The following STAG1 variants were observed in gnomAD, a reference collection of about 807,000 sequenced individuals.
STAG1 encodes cohesin subunit SA-1.
Under a neutral mutation model 170.9 loss-of-function variants are expected in STAG1, and 26 were observed. The ratio of observed to expected loss-of-function variants is 0.15; its 90% CI spans 0.11 to 0.21. STAG1 has a LOEUF of 0.21. Among genes scored for constraint, STAG1 ranks in the 10% least tolerant of loss-of-function variants. The probability of loss-of-function intolerance (pLI) is 1.00; values close to 1 mark genes in which losing one functional copy is unlikely to be tolerated. For synonymous variants in STAG1, 514 were observed against 497.7 expected, an observed-to-expected ratio of 1.03 and a Z score of -0.44; for missense variants, 964 against 1,509.5, an observed-to-expected ratio of 0.64 and a Z score of 5.99.
chr3:136,697,952 C>T (rs899347241), intron 1 of STAG1, among the ~76,000 whole-genome samples: 2 of 151,948 alleles, frequency 1.3e-5, no homozygotes, highest in African/African-American at 4.8e-5. Context: ...ATGTCCACAG[C>T]CATATTTTAC....
At chr3:136,520,830 A>G (rs189876226) in intron 7 of STAG1, among the ~76,000 whole-genome samples, 35 of 152,280 alleles carry the variant, frequency 2.3e-4, no homozygotes, top group Admixed American at 6.5e-5. Context: ...CCACTTATCT[A>G]TAATAATAAT....
At chr3:136,704,618 AG>A (rs1943173166) in intron 1 of STAG1, among the ~76,000 whole-genome samples, 2 of 150,958 alleles carry the variant, frequency 1.3e-5, no homozygotes, top group Admixed American at 1.3e-4. Context: ...ACTTGAGCTC[AG>A]GGGTTCCAGA....
intron 1 of STAG1, among the ~76,000 whole-genome samples, chr3:136,632,154 C>T (rs1009448430): frequency 1.3e-5 from 2 of 152,060 alleles, no homozygotes; most frequent in African/African-American, 4.8e-5. Flanking sequence ...AATTACATAC[C>T]AAGTGATAAT....
chr3:136,598,458 G>A (rs1483529214), intron 4 of STAG1, among the ~76,000 whole-genome samples: 4 of 145,682 alleles, frequency 2.7e-5, no homozygotes, highest in South Asian at 2.2e-4. Flanking sequence ...ACGGAGTCTC[G>A]CTCTGTTGCC....
At chr3:136,604,196 G>T in intron 4 of STAG1, 113 bp downstream of exon 4, 1 of 924,286 alleles carries the variant, frequency 1.1e-6, no homozygotes. Flanking sequence ...TAAACTGAAA[G>T]GTTGCTTACA....
Position 136,540,822 on chromosome 3 carries a change from CAAAAAAAAAAAAAAAA to C in STAG1, c.471+1281_471+1296del, listed in dbSNP as rs554338920. 3.6e-3 allele frequency among the ~76,000 whole-genome samples: 165 copies of C among 46,320 alleles called. 2 individuals carry two copies. The highest frequency in any genetic ancestry group is 0.011 in the South Asian group (6 of 562). 30.4% of individuals were successfully genotyped at this position (46,320 alleles called of 152,430 possible). A position where few individuals can be genotyped will look rare whatever the true frequency, so the allele number is the denominator to read the frequency against. On this transcript the variant is annotated intron_variant, in intron 6 of 33. Coordinates refer to ENST00000383202, the MANE Select transcript of STAG1 (RefSeq NM_005862.3). ...GGGCGACAGAGTGAAACTGTGTCTCCAAAAAAAAAAAAAAAAAAAAAAAAAAAAAACCTATATATTT... is the reference window on the plus strand; with the variant it reads ...GGGCGACAGAGTGAAACTGTGTCTCCAAAAAAAAAAAAAACCTATATATTT...
At chr3:136,524,366 G>A (rs1934876026) in intron 6 of STAG1, among the ~76,000 whole-genome samples, 1 of 152,122 alleles carries the variant, frequency 6.6e-6, no homozygotes, top group Non-Finnish European at 1.5e-5. Flanking sequence ...AATTGTGAAT[G>A]GGAGTTCACT....
intron 4 of STAG1, among the ~76,000 whole-genome samples, chr3:136,594,227 A>G (rs1328010240): frequency 6.6e-6 from 1 of 152,206 alleles, no homozygotes; most frequent in Non-Finnish European, 1.5e-5. Context: ...GTCATAGAGT[A>G]AAACTCAAGC....
chr3:136,696,581 C>T (rs1251751405), intron 1 of STAG1, among the ~76,000 whole-genome samples: 1 of 151,724 alleles, frequency 6.6e-6, no homozygotes, highest in Admixed American at 6.6e-5. Flanking sequence ...AACAAATGTA[C>T]CAATCTGCTG....
At chr3:136,495,529 A>G (rs895000683) in intron 9 of STAG1, among the ~76,000 whole-genome samples, 3 of 152,170 alleles carry the variant, frequency 2.0e-5, no homozygotes, top group African/African-American at 7.2e-5. Flanking sequence ...TATATCAAGA[A>G]TATCAGCCAG....
intron 23 of STAG1, among the ~76,000 whole-genome samples, chr3:136,377,371 A>G (rs1209021410): frequency 1.7e-5 from 1 of 57,722 alleles, no homozygotes; most frequent in Non-Finnish European, 3.2e-5. Flanking sequence ...TGGGCGACAG[A>G]GCGAGACTCT....
At chr3:136,355,955 T>A (rs1032414614) in intron 28 of STAG1, among the ~76,000 whole-genome samples, 1 of 152,106 alleles carries the variant, frequency 6.6e-6, no homozygotes, top group South Asian at 2.1e-4. Flanking sequence ...TAGCTGTAAA[T>A]GCCTGTATTG....
chr3:136,549,444 G>C lies in STAG1; in HGVS notation c.395-7249C>G, dbSNP rs148327060. ...TCCTGCCTCAGCCTCCTGAGTAGCT[G>C]GGATTACAGGCACCTGCACCATCCT... On this transcript the variant is annotated intron_variant, in intron 5 of 33. Coordinates refer to ENST00000383202, the MANE Select transcript of STAG1 (RefSeq NM_005862.3). Among the ~76,000 whole-genome samples, 350 of 152,114 alleles carry C rather than the reference G, an allele frequency of 2.3e-3. 3 individuals are homozygous for C. Among genetic ancestry groups the C allele is most frequent in the African/African-American group, 8.1e-3 (335 of 41,484 alleles).
intron 3 of STAG1, among the ~76,000 whole-genome samples, chr3:136,611,996 C>T (rs1285289905): frequency 2.6e-5 from 4 of 152,036 alleles, no homozygotes; most frequent in East Asian, 1.9e-4. Flanking sequence ...TACAGGTGCC[C>T]GCCACCATGC....
intron 16 of STAG1, among the ~76,000 whole-genome samples, chr3:136,427,678 T>C (rs61789647): frequency 7.9e-5 from 12 of 151,614 alleles, no homozygotes; most frequent in Admixed American, 3.3e-4. Context: ...AAAAAAAAAT[T>C]CTTAAAGCCA....
At chr3:136,386,592 TAC>T (rs2086879378) in intron 22 of STAG1, among the ~76,000 whole-genome samples, 1 of 152,134 alleles carries the variant, frequency 6.6e-6, no homozygotes, top group Admixed American at 6.6e-5. Context: ...TTAATACCTA[TAC>T]ACACAAAAAC....
intron 6 of STAG1, among the ~76,000 whole-genome samples, chr3:136,535,932 A>C (rs923704423): frequency 1.3e-5 from 2 of 152,222 alleles, no homozygotes; most frequent in African/African-American, 4.8e-5. Flanking sequence ...AATACATCTT[A>C]ATAATAATTA....
chr3:136,532,113 TA>T (rs1226205110), intron 6 of STAG1, among the ~76,000 whole-genome samples: 1 of 151,984 alleles, frequency 6.6e-6, no homozygotes. Context: ...CTAGCTAGAT[TA>T]ACAAAGACCC....
At chr3:136,446,524 G>A (rs751163042) in intron 14 of STAG1, among the ~76,000 whole-genome samples, 2 of 151,582 alleles carry the variant, frequency 1.3e-5, no homozygotes, top group Non-Finnish European at 2.9e-5. Flanking sequence ...CCAGGTTCAA[G>A]CGATCCTCCT....
Sources: allele counts gnomAD v4.1 joint callset (sites outside exome capture counted in the v4.1 genomes callset), GRCh38; gene constraint gnomAD v4.1.1; transcripts MANE v1.5; gene names NCBI Gene and HGNC (gene_info 2026-07-23, HGNC 2026-07-21).